CSMD1: variants seen among roughly 807,000 people sequenced by gnomAD.
The protein encoded by CSMD1 is CUB and sushi domain-containing protein 1.
A neutral mutation model predicts 417.5 loss-of-function variants in CSMD1; 213 were observed. The ratio of observed to expected loss-of-function variants is 0.51; its 90% CI spans 0.46 to 0.57. The LOEUF is 0.57. Among genes scored for constraint, CSMD1 ranks in the 20% least tolerant of loss-of-function variants. The pLI is 0.00. For missense variants in CSMD1, 6,923 were observed against 4,529.7 expected, an observed-to-expected ratio of 1.53 and a Z score of -15.17; for synonymous variants, 2,862 against 1,736.8, an observed-to-expected ratio of 1.65 and a Z score of -16.11.
intron 12 of CSMD1, among the ~76,000 whole-genome samples, chr8:3,463,320 G>T (rs746346749): frequency 1.3e-5 from 2 of 152,080 alleles, no homozygotes; most frequent in African/African-American, 2.4e-5. Context: ...AGGATAATTT[G>T]TCATAGACTT....
At chr8:4,470,611 C>G (rs1800472788) in intron 2 of CSMD1, among the ~76,000 whole-genome samples, 1 of 152,184 alleles carries the variant, frequency 6.6e-6, no homozygotes, top group African/African-American at 2.4e-5. Flanking sequence ...TCTAAGAGCT[C>G]ATAAATGGCT....
chr8:4,583,249 G>A (rs1027143917), intron 2 of CSMD1, among the ~76,000 whole-genome samples: 3 of 152,196 alleles, frequency 2.0e-5, no homozygotes, highest in Admixed American at 6.5e-5. Flanking sequence ...AGCTCCACCT[G>A]CAGCCGTGGT....
At chr8:4,462,755 T>C (rs555549527) in intron 2 of CSMD1, among the ~76,000 whole-genome samples, 1 of 152,280 alleles carries the variant, frequency 6.6e-6, no homozygotes, top group South Asian at 2.1e-4. Flanking sequence ...TTTCAATAAA[T>C]GGTGCTCAGA....
intron 5 of CSMD1, among the ~76,000 whole-genome samples, chr8:3,877,122 G>A (rs530314318): frequency 1.3e-5 from 2 of 152,290 alleles, no homozygotes; most frequent in Admixed American, 1.3e-4. Context: ...CCTCGGTGAA[G>A]CAGGCGAATT....
intron 3 of CSMD1, among the ~76,000 whole-genome samples, chr8:4,395,302 C>A (rs543429783): frequency 6.6e-6 from 1 of 152,224 alleles, no homozygotes; most frequent in Admixed American, 6.5e-5. Context: ...GCTAATTCTT[C>A]ATAACTTCAG....
chr8:4,720,357 C>G (rs1389395889), intron 1 of CSMD1, among the ~76,000 whole-genome samples: 2 of 152,040 alleles, frequency 1.3e-5, no homozygotes, highest in Non-Finnish European at 2.9e-5. Context: ...TGTATTATCT[C>G]AAGGAAAATA....
intron 5 of CSMD1, among the ~76,000 whole-genome samples, chr8:3,800,207 T>C (rs1585018537): frequency 6.6e-6 from 1 of 152,116 alleles, no homozygotes; most frequent in Non-Finnish European, 1.5e-5. Flanking sequence ...GAGCAGAACT[T>C]TCAACAAACT....
At position 4,395,875 on chromosome 8, in the gene CSMD1, G is replaced by A. The variant is rs765390808; in HGVS notation, c.415+24078C>T. 1.4e-4 allele frequency among the ~76,000 whole-genome samples: 22 copies of A among 152,122 alleles called. No homozygotes were observed. The East Asian group carries it at 2.5e-3, about 17-fold the overall frequency. On this transcript the variant is annotated intron_variant, in intron 3 of 69. Coordinates refer to ENST00000635120, the MANE Select transcript of CSMD1 (RefSeq NM_033225.6). ...TGAAAACCATTACAGTCTTTAATTCGGTAGTGTATCTAGAAACACATATAA... is the reference window on the plus strand; with the variant it reads ...TGAAAACCATTACAGTCTTTAATTCAGTAGTGTATCTAGAAACACATATAA...
intron 4 of CSMD1, among the ~76,000 whole-genome samples, chr8:4,015,231 T>C (rs968003605): frequency 6.6e-6 from 1 of 152,204 alleles, no homozygotes; most frequent in Non-Finnish European, 1.5e-5. Context: ...AGATTCATTT[T>C]ACAATGTTAC....
At chr8:3,512,152 C>T (rs1026459490) in intron 10 of CSMD1, among the ~76,000 whole-genome samples, 1 of 152,214 alleles carries the variant, frequency 6.6e-6, no homozygotes, top group Non-Finnish European at 1.5e-5. Context: ...TAGCACCAAA[C>T]ATGTCCTTGG....
intron 6 of CSMD1, among the ~76,000 whole-genome samples, chr8:3,747,382 C>T (rs1797111888): frequency 8.5e-6 from 1 of 118,292 alleles, no homozygotes; most frequent in Non-Finnish European, 1.8e-5. Context: ...TCTTTGAAAA[C>T]ACTTTTTTCA....
At chr8:4,449,348 C>G (rs1798995488) in intron 2 of CSMD1, among the ~76,000 whole-genome samples, 1 of 152,138 alleles carries the variant, frequency 6.6e-6, no homozygotes, top group Non-Finnish European at 1.5e-5. Context: ...TTAAGCCTCC[C>G]CCTCTCTTTT....
At chr8:3,476,496 C>T (rs1227083274) in intron 11 of CSMD1, among the ~76,000 whole-genome samples, 1 of 152,154 alleles carries the variant, frequency 6.6e-6, no homozygotes, top group Non-Finnish European at 1.5e-5. Flanking sequence ...TATTTACTAT[C>T]ATATGAAACT....
At chr8:3,550,617 C>G (rs1466277359) in intron 10 of CSMD1, among the ~76,000 whole-genome samples, 3 of 152,166 alleles carry the variant, frequency 2.0e-5, no homozygotes, top group African/African-American at 7.2e-5. Context: ...TCATCAGTCT[C>G]CACCCCTTTG....
At chr8:3,380,768 C>T (rs1810580279) in intron 18 of CSMD1, among the ~76,000 whole-genome samples, 1 of 151,918 alleles carries the variant, frequency 6.6e-6, no homozygotes, top group Admixed American at 6.6e-5. Flanking sequence ...GGAGGCATAG[C>T]ATTAGAAGAA....
intron 1 of CSMD1, among the ~76,000 whole-genome samples, chr8:4,643,428 T>C (rs887608576): frequency 3.3e-5 from 5 of 152,238 alleles, no homozygotes; most frequent in Admixed American, 6.5e-5. Context: ...AGTCAATTTC[T>C]ATTGTATACC....
At chr8:3,111,167 A>G (rs575759127) in intron 42 of CSMD1, among the ~76,000 whole-genome samples, 1 of 152,312 alleles carries the variant, frequency 6.6e-6, no homozygotes, top group East Asian at 1.9e-4. Context: ...TTTGCCACAA[A>G]TGGTATAGAA....
chr8:3,527,112 A>G (rs1025495667), intron 10 of CSMD1, among the ~76,000 whole-genome samples: 15 of 152,320 alleles, frequency 9.8e-5, no homozygotes, highest in Admixed American at 3.3e-4. Context: ...CCCAGAACCC[A>G]GAAGAAGACA....
rs142408565 is a variant in CSMD1 at position 4,925,353 on chromosome 8, C to T, written c.85+68979G>A. Among the ~76,000 whole-genome samples the T allele has an allele frequency of 5.1e-4, 76 of 148,886 alleles. 2 individuals carry two copies. The East Asian group carries it at 0.014, about 27-fold the overall frequency. ...GGGGTCATGTGTTGTCACATGACTC[C>T]TGTTGAAACCTGACATTTCTTTAGC... On this transcript the variant is annotated intron_variant, in intron 1 of 69. Transcript: ENST00000635120.
Sources: gnomAD v4.1 joint callset for allele counts (sites outside exome capture counted in the v4.1 genomes callset) on GRCh38, gnomAD v4.1.1 for gene constraint, MANE v1.5 for transcripts, NCBI Gene and HGNC (gene_info 2026-07-23, HGNC 2026-07-21) for gene names.